Variants in SLF1 observed in about 807,000 individuals in gnomAD.
SLF1 encodes SMC5-SMC6 complex localization factor protein 1.
In SLF1, 105 loss-of-function variants were observed where a neutral mutation model predicts 123.0. The ratio of observed to expected loss-of-function variants is 0.85; its 90% confidence interval spans 0.73 to 1.00. The LOEUF is 1.00. Among genes scored for constraint, SLF1 ranks in the 50% least tolerant of loss-of-function variants. The pLI is 0.00. For synonymous variants in SLF1, 434 were observed against 406.6 expected, an observed-to-expected ratio of 1.07 and a Z score of -0.81; for missense variants, 1,239 against 1,223.0, an observed-to-expected ratio of 1.01 and a Z score of -0.20.
At chr5:94,650,776 A>G (rs956764907) in intron 6 of SLF1, among the ~76,000 whole-genome samples, 5 of 152,156 alleles carry the variant, frequency 3.3e-5, no homozygotes, top group Non-Finnish European at 5.9e-5. Context: ...GTAATTTACT[A>G]TATGTGCATG....
chr5:94,684,723 A>G (rs1007439423), intron 15 of SLF1, among the ~76,000 whole-genome samples: 1 of 140,010 alleles, frequency 7.1e-6, no homozygotes, highest in Non-Finnish European at 1.5e-5. Flanking sequence ...AAAAAAAAAA[A>G]GTATCTCTGT....
At chr5:94,678,639 G>C (rs1751385941) in intron 14 of SLF1, 169 bp from the exon 15 acceptor site, 9 of 532,596 alleles carry the variant, frequency 1.7e-5, no homozygotes, top group Non-Finnish European at 2.8e-5. Flanking sequence ...AGAGAGAGAT[G>C]GAGGGGAGAG....
intron 1 of SLF1, among the ~76,000 whole-genome samples, chr5:94,626,888 T>C (rs1792297654): frequency 6.6e-6 from 1 of 152,184 alleles, no homozygotes; most frequent in Admixed American, 6.5e-5. Flanking sequence ...TGGGGAGTGA[T>C]GAAGGGTAGA....
rs557019946 is a variant in SLF1 at position 94,620,554 on chromosome 5, T to G, written c.-1+1789T>G. Among the ~76,000 whole-genome samples the G allele has an allele frequency of 3.3e-5, 5 of 152,322 alleles. No individual in the cohort carries two copies. In the South Asian group the frequency reaches 8.3e-4, roughly 25 times the overall value. The stretch of plus-strand genomic sequence containing the variant: ...ATTAGTACTTTCCTTATTATATGTA[T>G]CTTGATTATATTACCCTAAAGTAGG... On this transcript the variant is annotated intron_variant, in intron 1 of 20. Transcript: ENST00000265140.
At chr5:94,660,583 G>C (rs1035854294) in intron 9 of SLF1, among the ~76,000 whole-genome samples, 1 of 152,150 alleles carries the variant, frequency 6.6e-6, no homozygotes, top group Non-Finnish European at 1.5e-5. Flanking sequence ...TCCTCGTATT[G>C]TGCATTTACA....
chr5:94,636,143 A>G (rs1260349397), intron 4 of SLF1, among the ~76,000 whole-genome samples: 3 of 152,186 alleles, frequency 2.0e-5, no homozygotes, highest in Non-Finnish European at 2.9e-5. Context: ...TCTGCTTTCA[A>G]AGCCACTGGT....
At chr5:94,633,589 A>G (rs1745440673) in intron 4 of SLF1, among the ~76,000 whole-genome samples, 1 of 152,226 alleles carries the variant, frequency 6.6e-6, no homozygotes, top group Non-Finnish European at 1.5e-5. Flanking sequence ...CAGAAAAGAA[A>G]TGAAGCATAA....
chr5:94,654,531 G>GT (rs1748147715), intron 8 of SLF1, 99 bp from the exon 9 acceptor site: 1 of 863,006 alleles, frequency 1.2e-6, no homozygotes, highest in Non-Finnish European at 1.6e-6. Context: ...GGTTAACATG[G>GT]TATGAATGTG....
intron 17 of SLF1, 54 bp downstream of exon 17, chr5:94,688,723 CTG>C (rs1752733220): frequency 6.3e-7 from 1 of 1,576,044 alleles, no homozygotes; most frequent in Admixed American, 1.7e-5. Flanking sequence ...AGCTCTTTCT[CTG>C]ATGCATTTCT....
chr5:94,667,737 T>G (rs1467864056), intron 12 of SLF1, among the ~76,000 whole-genome samples: 5 of 152,170 alleles, frequency 3.3e-5, no homozygotes, highest in Admixed American at 2.0e-4. Context: ...TTCCTAGCTT[T>G]TTTGTTTGTT....
At chr5:94,635,337 C>CTTTTTTTTTTTT (rs34524874) in intron 4 of SLF1, among the ~76,000 whole-genome samples, 3 of 43,902 alleles carry the variant, frequency 6.8e-5, no homozygotes, top group African/African-American at 8.9e-5. Context: ...ACATACTCGG[C>CTTTTTTTTTTTT]TTTTTTTTTT....
chr5:94,657,042 T>G (rs1290863721), intron 9 of SLF1, among the ~76,000 whole-genome samples: 1 of 149,522 alleles, frequency 6.7e-6, no homozygotes, highest in Non-Finnish European at 1.5e-5. Context: ...TAATTTATAA[T>G]TAATCTAAAT....
intron 12 of SLF1, among the ~76,000 whole-genome samples, chr5:94,667,046 A>AC (rs774915218): frequency 2.7e-5 from 4 of 149,528 alleles, no homozygotes; most frequent in Non-Finnish European, 4.4e-5. Flanking sequence ...CAAAGGCTAG[A>AC]CCTCTGGTTA....
At chr5:94,638,380 C>T (rs575338762) in intron 4 of SLF1, among the ~76,000 whole-genome samples, 100 of 151,966 alleles carry the variant, frequency 6.6e-4, no homozygotes, top group African/African-American at 2.4e-3. Context: ...AGAGTTTCAC[C>T]GTGTTAGCCA....
chr5:94,692,069 T>G lies in SLF1; in HGVS notation c.2513-5T>G. On this transcript the variant is annotated splice_polypyrimidine_tract_variant and splice_region_variant and intron_variant, in intron 19 of 20. Transcript: ENST00000265140. ...TTTTAAAACTTGCCTTGATTTCTAA[T>G]TTAGACAATGCTGGCTGGACGCCTT... 1 of 1,612,840 alleles carries G rather than the reference T, an allele frequency of 6.2e-7. No homozygotes were observed. Among genetic ancestry groups the G allele is most frequent in the Non-Finnish European group, 8.5e-7 (1 of 1,179,354 alleles).
At chr5:94,635,980 TATC>T (rs1202568197) in intron 4 of SLF1, among the ~76,000 whole-genome samples, 1 of 152,178 alleles carries the variant, frequency 6.6e-6, no homozygotes, top group Non-Finnish European at 1.5e-5. Context: ...AGGCAGCCCT[TATC>T]ATGATAAACT....
At chr5:94,689,847 A>G (rs527838228) in intron 18 of SLF1, among the ~76,000 whole-genome samples, 2 of 152,282 alleles carry the variant, frequency 1.3e-5, no homozygotes, top group Admixed American at 6.5e-5. Context: ...GCCATTACAG[A>G]TATGAAACAC....
chr5:94,623,399 A>G (rs1340667395), intron 1 of SLF1, among the ~76,000 whole-genome samples: 2 of 152,200 alleles, frequency 1.3e-5, no homozygotes, highest in Non-Finnish European at 2.9e-5. Flanking sequence ...ACATTTTCTC[A>G]TAACCAAGAA....
In SLF1 at chr5:94,630,675, A is replaced by G; in HGVS notation, c.363A>G (p.Pro121=). 1 of 1,551,716 alleles carries G rather than the reference A, an allele frequency of 6.4e-7. No individual in the cohort carries two copies. Among genetic ancestry groups the G allele is most frequent in the Non-Finnish European group, 8.7e-7 (1 of 1,146,980 alleles). The part of the protein sequence containing the change: ...WREELKRTGA[P]GAFHRWKVVL... ...AAGAACTGAAACGCACTGGTGCTCCAGGAGCCTTCCACAGATGGAAAGTTG... is the reference window on the plus strand; with the variant it reads ...AAGAACTGAAACGCACTGGTGCTCCGGGAGCCTTCCACAGATGGAAAGTTG... Residue 121 remains proline, a synonymous_variant, in exon 4 of 21, where the codon CCA becomes CCG. Coordinates refer to ENST00000265140, the MANE Select transcript of SLF1 (RefSeq NM_032290.4).
Sources: allele counts gnomAD v4.1 joint callset (sites outside exome capture counted in the v4.1 genomes callset), GRCh38; gene constraint gnomAD v4.1.1; transcripts MANE v1.5; gene names NCBI Gene and HGNC (gene_info 2026-07-23, HGNC 2026-07-21).